Variants in SCAND1 observed in about 807,000 individuals in gnomAD.
SCAND1 encodes the protein SCAN domain-containing protein 1.
In SCAND1, 3 loss-of-function variants were observed where a neutral mutation model predicts 3.4. The ratio of observed to expected loss-of-function variants is 0.87; its 90% confidence interval spans 0.40 to 2.25. The LOEUF is 2.25. SCAND1 is among the 30% of genes most tolerant of loss of function. The pLI, the probability that SCAND1 is intolerant of heterozygous loss-of-function variation, is 0.05. For synonymous variants in SCAND1, 152 were observed against 120.5 expected (o/e 1.26, Z -1.72); for missense variants, 303 against 258.8 (o/e 1.17, Z -1.17).
At position 35,954,257 on chromosome 20, in the gene SCAND1, C is replaced by T. The variant is rs776778597; in HGVS notation, c.28G>A (p.Ala10Thr). 1.9e-6 allele frequency: 3 copies of T among 1,613,104 alleles called. No individual in the cohort carries two copies. The South Asian group carries it at 3.3e-5, about 18-fold the overall frequency. The part of the protein sequence containing the change: MAATEPILA[A>T]TGSPAAVPPE... ...GGCACCGCCGCGGGACTCCCAGTGG[C>T]CGCCAAGATCGGCTCCGTAGCCGCC... Residue 10 changes from alanine (A) to threonine (T), a missense_variant, in exon 2 of 2, where the codon GCC becomes ACC. By Grantham distance (58) the Ala-to-Thr change is moderately conservative. Transcript: ENST00000305978.
In SCAND1 at chr20:35,954,480, G is replaced by C. The variant is rs755111676; in HGVS notation, c.-88C>G. On this transcript the variant is annotated 5_prime_UTR_variant, in exon 1 of 2. Coordinates refer to ENST00000305978, the MANE Select transcript of SCAND1 (RefSeq NM_033630.3). ...AGCGAAGCGCCTGCGGCAGCCGGAAGCGAAAGTCTCTGGCTTCTCTGCGTC... is the reference window on the plus strand; with the variant it reads ...AGCGAAGCGCCTGCGGCAGCCGGAACCGAAAGTCTCTGGCTTCTCTGCGTC... The C allele has an allele frequency of 3.0e-5, 46 of 1,546,600 alleles. No individual in the cohort carries two copies. In the Admixed American group the frequency reaches 4.5e-4, roughly 15 times the overall value.
At chr20:35,954,702 G>A, upstream of SCAND1, 1 of 1,071,010 alleles carries the variant, frequency 9.3e-7, no homozygotes, top group Non-Finnish European at 1.2e-6. Context: ...CTGAATGTTT[G>A]GAGATAGACT....
chr20:35,956,481 A>G (rs762343171), upstream of SCAND1, among the ~76,000 whole-genome samples: 8 of 152,154 alleles, frequency 5.3e-5, no homozygotes, highest in Non-Finnish European at 7.4e-5. Context: ...CTCAATCTCA[A>G]CCATTCCCTA....
chr20:35,958,753 C>G (rs2147165467), upstream of SCAND1: 1 of 152,322 alleles, frequency 6.6e-6, no homozygotes, highest in South Asian at 2.1e-4. Context: ...CTCGTGCTAT[C>G]TCTTTATAAT....
Position 35,954,089 on chromosome 20 carries a change from C to G in SCAND1, c.196G>C (p.Ala66Pro). The G allele has an allele frequency of 9.8e-6, 15 of 1,537,132 alleles. No homozygotes were observed. The highest frequency in any genetic ancestry group is 1.3e-5 in the Non-Finnish European group (15 of 1,138,170). The change falls in exon 2 of 2, where the codon GCT (alanine) becomes CCT (proline). Residue 66 changes from alanine (A) to proline (P), a missense_variant. Coordinates refer to ENST00000305978, the MANE Select transcript of SCAND1 (RefSeq NM_033630.3). The part of the protein sequence containing the change: ...AVPEAIPTPR[A>P]AASAALELPL... ...AGCTCCAGGGCCGCGGAGGCCGCAG[C>G]TCGGGGCGTAGGGATGGCTTCAGGG...
upstream of SCAND1, chr20:35,954,856 G>C (rs906164989): frequency 3.3e-6 from 1 of 302,660 alleles, no homozygotes; most frequent in Admixed American, 5.1e-5. Flanking sequence ...GCCGGGGCTC[G>C]TTCGAGTGGC....
Position 35,953,938 on chromosome 20 carries a change from T to A in SCAND1, c.347A>T (p.Tyr116Phe). 6.3e-7 allele frequency: 1 copy of A among 1,580,432 alleles called. No homozygotes were observed. Among genetic ancestry groups the A allele is most frequent in the Admixed American group, 1.8e-5 (1 of 56,258 alleles). The change falls in exon 2 of 2, where the codon TAC becomes TTC. Residue 116 changes from tyrosine (Y) to phenylalanine (F), a missense_variant. Transcript: ENST00000305978. ...TFRQRFRQFR[Y>F]QDAAGPREAF... ...CTCCCGGGGACCCGCCGCATCCTGG[T>A]AGCGGAACTGCCGGAAACGCTGGCG...
At position 35,954,242 on chromosome 20, in the gene SCAND1, C is replaced by G. The variant is rs745683454; in HGVS notation, c.43G>C (p.Ala15Pro). The G allele has an allele frequency of 1.9e-6, 3 of 1,612,952 alleles. No homozygotes were observed. The highest frequency in any genetic ancestry group is 2.2e-5 in the South Asian group (2 of 91,082). Residue 15 changes from alanine (A) to proline (P), a missense_variant, in exon 2 of 2, where the codon GCG (alanine) becomes CCG (proline). Physicochemically the swap from Ala to Pro is conservative, Grantham distance 27. Coordinates refer to ENST00000305978, the MANE Select transcript of SCAND1 (RefSeq NM_033630.3). Reference protein sequence around the residue: ...EPILAATGSPAAVPPEKLEGA... With the variant: ...EPILAATGSPPAVPPEKLEGA... ...TCCAGTTTCTCCGGTGGCACCGCCG[C>G]GGGACTCCCAGTGGCCGCCAAGATC...
chr20:35,953,718 G>A lies in SCAND1; in HGVS notation c.*27C>T. 3.6e-6 allele frequency: 5 copies of A among 1,392,752 alleles called. No individual in the cohort carries two copies. Among genetic ancestry groups the A allele is most frequent in the Non-Finnish European group, 4.7e-6 (5 of 1,072,518 alleles). The allele number at this position is 1,392,752 out of a possible 1,614,324, so 86.3% of individuals were successfully genotyped here. On this transcript the variant is annotated 3_prime_UTR_variant, in exon 2 of 2. Coordinates refer to ENST00000305978, the MANE Select transcript of SCAND1 (RefSeq NM_033630.3). ...TGGCCCCAGTCCGCACAGAGCGCCC[G>A]GCCCTGGCCGCCCGCAGCTCCACCG...
chr20:35,954,599 C>G (rs753758028), upstream of SCAND1: 1 of 1,397,272 alleles, frequency 7.2e-7, no homozygotes, highest in South Asian at 1.3e-5. Context: ...CTGCTGCCCT[C>G]GCGGTGCGGG....
upstream of SCAND1, among the ~76,000 whole-genome samples, chr20:35,955,878 C>G (rs1007041313): frequency 6.6e-6 from 1 of 152,180 alleles, no homozygotes; most frequent in African/African-American, 2.4e-5. Flanking sequence ...CACCACCACA[C>G]CCGGCTAATA....
Position 35,954,118 on chromosome 20 carries a change from G to A in SCAND1, c.167C>T (p.Ala56Val). The part of the protein sequence containing the change: ...PAPEPSSPNA[A>V]VPEAIPTPRA... The stretch of plus-strand genomic sequence containing the variant: ...GGGCGTAGGGATGGCTTCAGGGACC[G>A]CGGCGTTGGGACTGGAAGGCTCAGG... The change falls in exon 2 of 2, where the codon GCG (alanine) becomes GTG (valine). Residue 56 changes from alanine to valine, a missense_variant. Coordinates refer to ENST00000305978, the MANE Select transcript of SCAND1 (RefSeq NM_033630.3). 5 of 1,546,202 alleles carry A rather than the reference G, an allele frequency of 3.2e-6. No homozygotes were observed. Among genetic ancestry groups the A allele is most frequent in the Non-Finnish European group, 4.4e-6 (5 of 1,143,048 alleles).
chr20:35,955,864 C>T (rs1051820895), upstream of SCAND1, among the ~76,000 whole-genome samples: 1 of 152,108 alleles, frequency 6.6e-6, no homozygotes, highest in Non-Finnish European at 1.5e-5. Context: ...GGATTACAGG[C>T]GCCCACCACC....
At chr20:35,959,245 G>T (rs2056287165), upstream of SCAND1, among the ~76,000 whole-genome samples, 1 of 152,146 alleles carries the variant, frequency 6.6e-6, no homozygotes, top group Non-Finnish European at 1.5e-5. Flanking sequence ...AAAACCGATG[G>T]TTATGAAGAG....
chr20:35,954,032 G>T lies in SCAND1; in HGVS notation c.253C>A (p.Pro85Thr). 6.5e-7 allele frequency: 1 copy of T among 1,543,874 alleles called. No individual in the cohort carries two copies. ...GAGCGCGCTTCAGCTTCGGCCTGAGGCGCTACGCTCACGGGTGCGGGCCCG... is the reference window on the plus strand; with the variant it reads ...GAGCGCGCTTCAGCTTCGGCCTGAGTCGCTACGCTCACGGGTGCGGGCCCG... ...PLGPAPVSVA[P>T]QAEAEARSTP... The change falls in exon 2 of 2, where the codon CCT becomes ACT. Residue 85 changes from proline to threonine, a missense_variant. By Grantham distance (38) the Pro-to-Thr change is conservative (BLOSUM62 -1). Transcript: ENST00000305978.
chr20:35,954,418 C>T, intron 1 of SCAND1, 30 bp downstream of exon 1: 1 of 1,551,538 alleles, frequency 6.4e-7, no homozygotes, highest in South Asian at 1.2e-5. Context: ...GAGTCGGACT[C>T]GGGACCGGCC....
upstream of SCAND1, among the ~76,000 whole-genome samples, chr20:35,957,104 C>G (rs1392020146): frequency 1.3e-5 from 2 of 152,122 alleles, no homozygotes; most frequent in African/African-American, 4.8e-5. Flanking sequence ...TCTTCCATCC[C>G]TATTGAAATC....
upstream of SCAND1, chr20:35,954,661 C>G: frequency 7.9e-7 from 1 of 1,259,188 alleles, no homozygotes; most frequent in African/African-American, 1.5e-5. Context: ...CGCCTCTGAG[C>G]GCCAGTTCGA....
At chr20:35,956,223 A>G (rs1314409869), upstream of SCAND1, among the ~76,000 whole-genome samples, 1 of 152,240 alleles carries the variant, frequency 6.6e-6, no homozygotes, top group Non-Finnish European at 1.5e-5. Context: ...TTGGATGGGT[A>G]GAAGTGGACC....
Sources: gnomAD v4.1 joint callset for allele counts (sites outside exome capture counted in the v4.1 genomes callset) on GRCh38, gnomAD v4.1.1 for gene constraint, MANE v1.5 for transcripts, NCBI Gene and HGNC (gene_info 2026-07-23, HGNC 2026-07-21) for gene names.